Variants in TPX2 observed in about 807,000 individuals in gnomAD.
TPX2 encodes the protein TPX2 microtubule nucleation factor.
A neutral mutation model predicts 93.6 loss-of-function variants in TPX2; 21 were observed. The observed-to-expected ratio is 0.22, with a 90% confidence interval of 0.16 to 0.32. TPX2 has a LOEUF of 0.32. Among genes scored for constraint, TPX2 ranks in the 10% least tolerant of loss-of-function variants. TPX2 has a pLI of 1.00. For synonymous variants in TPX2, 281 were observed against 298.3 expected (o/e 0.94, Z 0.60); for missense variants, 776 against 871.1 (o/e 0.89, Z 1.37).
chr20:31,782,058 C>G (rs1403933865), intron 10 of TPX2, among the ~76,000 whole-genome samples, 191 bp from the exon 11 acceptor site: 1 of 152,120 alleles, frequency 6.6e-6, no homozygotes, highest in African/African-American at 2.4e-5. Flanking sequence ...AGTCATACCC[C>G]TCAATAAAAG....
At chr20:31,786,400 G>GTTTTTTTTTTT (rs369303743) in intron 12 of TPX2, among the ~76,000 whole-genome samples, 1 of 89,364 alleles carries the variant, frequency 1.1e-5, no homozygotes, top group African/African-American at 6.4e-5. Context: ...CTGAACTACT[G>GTTTTTTTTTTT]TTTTTTTTTT....
intron 6 of TPX2, among the ~76,000 whole-genome samples, chr20:31,770,693 T>C (rs11907631): frequency 0.088 from 13,336 of 152,242 alleles, 653 homozygotes; most frequent in African/African-American, 0.14. Flanking sequence ...CACATCTTAG[T>C]TGGCATAGGT....
chr20:31,791,351 T>C (rs1190101538), intron 12 of TPX2, among the ~76,000 whole-genome samples: 1 of 152,224 alleles, frequency 6.6e-6, no homozygotes, highest in African/African-American at 2.4e-5. Context: ...TGGTGCGATC[T>C]TGGCTCACTG....
rs540457803 is a variant in TPX2 at position 31,741,893 on chromosome 20, G to A, written c.-177-648G>A. On this transcript the variant is annotated intron_variant, in intron 1 of 17. Coordinates refer to ENST00000300403, the MANE Select transcript of TPX2 (RefSeq NM_012112.5). ...GCCTCCCAAAGTGCTGGGATTACAG[G>A]TGTGAGCCACCTTGCCTGGCCTTAG... is the stretch of plus-strand genomic sequence containing the variant. Among the ~76,000 whole-genome samples the A allele has an allele frequency of 4.6e-5, 7 of 152,270 alleles. No homozygotes were observed. In the East Asian group the frequency reaches 1.2e-3, roughly 25 times the overall value.
At chr20:31,747,456 G>GTCTATCTATCTA (rs1275554299) in intron 2 of TPX2, among the ~76,000 whole-genome samples, 1 of 151,800 alleles carries the variant, frequency 6.6e-6, no homozygotes, top group African/African-American at 2.4e-5. Context: ...CTGTCTGTCT[G>GTCTATCTATCTA]TCTGTCTATC....
At chr20:31,769,864 C>T (rs2061953787) in intron 5 of TPX2, among the ~76,000 whole-genome samples, 1 of 152,212 alleles carries the variant, frequency 6.6e-6, no homozygotes, top group African/African-American at 2.4e-5. Flanking sequence ...GTGGCACGCT[C>T]ATGGCTTACT....
intron 12 of TPX2, 75 bp downstream of exon 12, chr20:31,783,996 T>C: frequency 6.7e-7 from 1 of 1,500,494 alleles, no homozygotes; most frequent in Non-Finnish European, 9.2e-7. Flanking sequence ...CACAAAAGTT[T>C]GGGTAGATAT....
In TPX2 at chr20:31,801,394, A is replaced by G. The variant is rs2062171267; in HGVS notation, c.*314A>G. 1 of 262,708 alleles carries G rather than the reference A, an allele frequency of 3.8e-6. No homozygotes were observed. The highest frequency in any genetic ancestry group is 2.2e-5 in the African/African-American group (1 of 45,580). 16.3% of individuals were successfully genotyped at this position (262,708 alleles called of 1,614,324 possible). A position where few individuals can be genotyped will look rare whatever the true frequency, so the allele number is the denominator to read the frequency against. On this transcript the variant is annotated 3_prime_UTR_variant, in exon 18 of 18. Transcript: ENST00000300403. ...CTGACTAGAATTTAGTCTCTGTGTC[A>G]GCACAGTGTAATCTCTATTGCTATT...
intron 1 of TPX2, among the ~76,000 whole-genome samples, chr20:31,741,555 T>C (rs766967066): frequency 3.3e-5 from 5 of 151,958 alleles, no homozygotes; most frequent in African/African-American, 1.2e-4. Context: ...CTCGGCTCAC[T>C]GCAACCTCCG....
At chr20:31,749,492 T>C (rs920857317) in intron 2 of TPX2, among the ~76,000 whole-genome samples, 14 of 152,162 alleles carry the variant, frequency 9.2e-5, no homozygotes, top group Non-Finnish European at 8.8e-5. Context: ...ATGTCATAAG[T>C]GCTCATTAAG....
Position 31,767,670 on chromosome 20 carries a change from A to G in TPX2, c.356+988A>G, listed in dbSNP as rs999593041. On this transcript the variant is annotated intron_variant, in intron 5 of 17. Coordinates refer to ENST00000300403, the MANE Select transcript of TPX2 (RefSeq NM_012112.5). The stretch of plus-strand genomic sequence containing the variant: ...GGGCTCAAGCAGTCTTCCCACCTCA[A>G]CCTCCTGCGTAGCTGGGACTACAGG... Among the ~76,000 whole-genome samples the G allele has an allele frequency of 2.0e-5, 3 of 149,818 alleles. No individual in the cohort carries two copies. The South Asian group carries it at 6.4e-4, about 32-fold the overall frequency.
intron 12 of TPX2, among the ~76,000 whole-genome samples, chr20:31,792,025 G>A (rs959516154): frequency 6.6e-6 from 1 of 152,128 alleles, no homozygotes; most frequent in Non-Finnish European, 1.5e-5. Context: ...ATTCCACAAC[G>A]ATTTGAAATG....
intron 4 of TPX2, among the ~76,000 whole-genome samples, chr20:31,764,144 ATG>A (rs2061909732): frequency 1.3e-5 from 2 of 149,504 alleles, no homozygotes; most frequent in African/African-American, 2.4e-5. Context: ...ATATACATGT[ATG>A]TGTACATACA....
Position 31,784,252 on chromosome 20 carries a change from T to C in TPX2, c.1413+331T>C, listed in dbSNP as rs144167153. On this transcript the variant is annotated intron_variant, in intron 12 of 17. Transcript: ENST00000300403. ...GCACATTTGACCTGAGCCTTGACGA[T>C]GTACTGTAGTAATAGTTATTGTGTT... is the stretch of plus-strand genomic sequence containing the variant. Among the ~76,000 whole-genome samples, 4 of 152,344 alleles carry C rather than the reference T, an allele frequency of 2.6e-5. No homozygotes were observed. In the East Asian group the frequency reaches 7.7e-4, roughly 29 times the overall value.
intron 4 of TPX2, among the ~76,000 whole-genome samples, chr20:31,763,597 CT>C (rs1410358236): frequency 3.3e-5 from 5 of 151,828 alleles, no homozygotes; most frequent in African/African-American, 1.2e-4. Flanking sequence ...GTCTCTTTAT[CT>C]TTATAATTTT....
At position 31,801,315 on chromosome 20, in the gene TPX2, C is replaced by G. The variant is rs890962397; in HGVS notation, c.*235C>G. On this transcript the variant is annotated 3_prime_UTR_variant, in exon 18 of 18. Coordinates refer to ENST00000300403, the MANE Select transcript of TPX2 (RefSeq NM_012112.5). ...AACTCATGAATGTCTCGATTAGACT[C>G]CATGTAGTTACTTCCTTTAAACCAT... is the stretch of plus-strand genomic sequence containing the variant. 1 of 459,636 alleles carries G rather than the reference C, an allele frequency of 2.2e-6. No individual in the cohort carries two copies. Among genetic ancestry groups the G allele is most frequent in the Non-Finnish European group, 3.9e-6 (1 of 254,900 alleles). 28.5% of individuals were successfully genotyped at this position (459,636 alleles called of 1,614,324 possible).
chr20:31,791,103 A>G (rs1377264193), intron 12 of TPX2, among the ~76,000 whole-genome samples: 2 of 152,148 alleles, frequency 1.3e-5, no homozygotes, highest in Non-Finnish European at 2.9e-5. Context: ...TTGTGGTTGC[A>G]ACGTGATATG....
At chr20:31,741,139 A>G (rs1353668259) in intron 1 of TPX2, among the ~76,000 whole-genome samples, 2 of 152,142 alleles carry the variant, frequency 1.3e-5, no homozygotes, top group Admixed American at 6.6e-5. Context: ...GGGCTCATCT[A>G]CATCTCCTGG....
chr20:31,766,447 TAGAC>T (rs1336221491), intron 4 of TPX2, 105 bp from the exon 5 acceptor site: 3 of 1,113,558 alleles, frequency 2.7e-6, no homozygotes, highest in Non-Finnish European at 3.7e-6. Flanking sequence ...TTCTGTGGCT[TAGAC>T]AGGGTGTGTG....
Sources: allele counts gnomAD v4.1 joint callset (sites outside exome capture counted in the v4.1 genomes callset), GRCh38; gene constraint gnomAD v4.1.1; transcripts MANE v1.5; gene names NCBI Gene and HGNC (gene_info 2026-07-23, HGNC 2026-07-21).